PATE4: variants seen among roughly 807,000 people sequenced by gnomAD.
The protein encoded by PATE4 is prostate and testis expressed 4.
Under a neutral mutation model 8.5 loss-of-function variants are expected in PATE4, and 13 were observed. The ratio of observed to expected loss-of-function variants is 1.53; its 90% CI spans 1.00 to 2.43. PATE4 has a LOEUF of 2.43. PATE4 is among the 30% of genes most tolerant of loss of function. The pLI, the probability that PATE4 is intolerant of heterozygous loss-of-function variation, is 0.00. For synonymous variants in PATE4, 47 were observed against 39.3 expected (o/e 1.20, Z -0.73); for missense variants, 127 against 115.5 (o/e 1.10, Z -0.46).
chr11:125,837,953 T>A lies in PATE4; in HGVS notation c.144T>A (p.Asn48Lys). The A allele has an allele frequency of 1.3e-6, 2 of 1,551,532 alleles. No individual in the cohort carries two copies. The highest frequency in any genetic ancestry group is 1.7e-6 in the Non-Finnish European group (2 of 1,146,906). ...AGRGTCIAKE[N>K]ELCSTTAYFR... Reference sequence around the variant, plus strand: ...GAGGCACTTGCATTGCAAAAGAAAATGAGTTATGTTCAACAACAGCCTATT... The same window carrying A: ...GAGGCACTTGCATTGCAAAAGAAAAAGAGTTATGTTCAACAACAGCCTATT... The change falls in exon 2 of 3, where the codon AAT (asparagine) becomes AAA (lysine). Residue 48 changes from asparagine to lysine, a missense_variant. Physicochemically the swap from Asn to Lys is moderately conservative, Grantham distance 94. Transcript: ENST00000457514.
intron 1 of PATE4, among the ~76,000 whole-genome samples, chr11:125,833,919 T>C (rs1253840656): frequency 2.0e-5 from 3 of 152,178 alleles, no homozygotes; most frequent in Non-Finnish European, 4.4e-5. Context: ...ATTTCTATTC[T>C]GAGCTTCAGT....
At chr11:125,835,011 G>C (rs966148530) in intron 1 of PATE4, 1 of 152,076 alleles carries the variant, frequency 6.6e-6, no homozygotes, top group African/African-American at 2.4e-5. Context: ...GATGAAAACT[G>C]GATAACTAGC....
intron 1 of PATE4, chr11:125,835,963 T>A (rs1943916518): frequency 6.6e-6 from 1 of 151,996 alleles, no homozygotes; most frequent in Non-Finnish European, 1.5e-5. Flanking sequence ...TGCATACGTG[T>A]GTGTGGGTGG....
intron 1 of PATE4, among the ~76,000 whole-genome samples, chr11:125,836,207 A>G (rs1943918738): frequency 6.6e-6 from 1 of 150,830 alleles, no homozygotes. Flanking sequence ...AACTAGCTTT[A>G]GAAAGAATAC....
At position 125,839,868 on chromosome 11, in the gene PATE4, A is replaced by G. The variant is rs904425640; in HGVS notation, c.*1441A>G. 2.0e-5 allele frequency: 3 copies of G among 152,162 alleles called. No homozygotes were observed. Among genetic ancestry groups the G allele is most frequent in the Non-Finnish European group, 4.4e-5 (3 of 68,038 alleles). 9.4% of individuals were successfully genotyped at this position (152,162 alleles called of 1,614,324 possible). Reference sequence around the variant, plus strand: ...ATTTGGGTGGGGACACAGCCAAACCATATCAGTCCCCTTCTTAAAACTCTC... The same window carrying G: ...ATTTGGGTGGGGACACAGCCAAACCGTATCAGTCCCCTTCTTAAAACTCTC... On this transcript the variant is annotated 3_prime_UTR_variant, in exon 3 of 3. Coordinates refer to ENST00000457514, the MANE Select transcript of PATE4 (RefSeq NM_001144874.1).
At position 125,837,954 on chromosome 11, in the gene PATE4, G is replaced by C; in HGVS notation, c.145G>C (p.Glu49Gln). Residue 49 changes from glutamate to glutamine, a missense_variant, in exon 2 of 3, where the codon GAG becomes CAG. By Grantham distance (29) the Glu-to-Gln change is conservative. Transcript: ENST00000457514. ...AGGCACTTGCATTGCAAAAGAAAAT[G>C]AGTTATGTTCAACAACAGCCTATTT... is the stretch of plus-strand genomic sequence containing the variant. Reference protein sequence around the residue: ...GRGTCIAKENELCSTTAYFRG... With the variant: ...GRGTCIAKENQLCSTTAYFRG... 1 of 1,551,600 alleles carries C rather than the reference G, an allele frequency of 6.4e-7. No individual in the cohort carries two copies. The highest frequency in any genetic ancestry group is 8.7e-7 in the Non-Finnish European group (1 of 1,146,928).
rs1309512945 is a variant in PATE4 at position 125,837,988 on chromosome 11, A to G, written c.175+4A>G. On this transcript the variant is annotated splice_donor_region_variant and intron_variant, in intron 2 of 2. Transcript: ENST00000457514. Reference sequence around the variant, plus strand: ...TCAACAACAGCCTATTTCAGGGGTAAGTGGGGCTCATGAAGACTCCAAAAT... The same window carrying G: ...TCAACAACAGCCTATTTCAGGGGTAGGTGGGGCTCATGAAGACTCCAAAAT... The G allele has an allele frequency of 6.5e-7, 1 of 1,548,696 alleles. No homozygotes were observed. Among genetic ancestry groups the G allele is most frequent in the Admixed American group, 2.0e-5 (1 of 50,984 alleles).
chr11:125,839,291 G>A lies in PATE4; in HGVS notation c.*864G>A, dbSNP rs1943942997. ...GGTGACAACAGTATCCACCGCTCAG[G>A]GCTTACAGTGACCTGCAGGAAGAGA... is the stretch of plus-strand genomic sequence containing the variant. On this transcript the variant is annotated 3_prime_UTR_variant, in exon 3 of 3. Transcript: ENST00000457514. 1 of 152,146 alleles carries A rather than the reference G, an allele frequency of 6.6e-6. No homozygotes were observed. The highest frequency in any genetic ancestry group is 2.1e-4 in the South Asian group (1 of 4,828). The allele number at this position is 152,146 out of a possible 1,614,324, so 9.4% of individuals were successfully genotyped here. A position where few individuals can be genotyped will look rare whatever the true frequency, so the allele number is the denominator to read the frequency against.
At chr11:125,835,905 C>G in intron 1 of PATE4, 1 of 152,228 alleles carries the variant, frequency 6.6e-6, no homozygotes, top group Non-Finnish European at 1.5e-5. Flanking sequence ...TAAAGCCACC[C>G]CCTCCTGCCC....
chr11:125,839,758 C>A lies in PATE4; in HGVS notation c.*1331C>A, dbSNP rs549981733. The A allele has an allele frequency of 6.6e-6, 1 of 152,274 alleles. No homozygotes were observed. The highest frequency in any genetic ancestry group is 2.4e-5 in the African/African-American group (1 of 41,554). The allele number at this position is 152,274 out of a possible 1,614,324, so 9.4% of individuals were successfully genotyped here. On this transcript the variant is annotated 3_prime_UTR_variant, in exon 3 of 3. Transcript: ENST00000457514. ...ATCTTGTGAGACTTACTCACTATCA[C>A]GAGAATAGCACAGGAAAAACCTGCC... is the stretch of plus-strand genomic sequence containing the variant.
Position 125,838,523 on chromosome 11 carries a change from T to C in PATE4, c.*96T>C, listed in dbSNP as rs148234461. On this transcript the variant is annotated 3_prime_UTR_variant, in exon 3 of 3. Coordinates refer to ENST00000457514, the MANE Select transcript of PATE4 (RefSeq NM_001144874.1). The stretch of plus-strand genomic sequence containing the variant: ...TTATTTCCCACACCAAATTCCACAC[T>C]GGCCTAAGATCCCAGAGAGAGCTGC... 315 of 1,399,156 alleles carry C rather than the reference T, an allele frequency of 2.3e-4. 5 individuals are homozygous for C. The East Asian group carries it at 8.0e-3, about 35-fold the overall frequency. The allele number at this position is 1,399,156 out of a possible 1,614,324, so 86.7% of individuals were successfully genotyped here.
At chr11:125,835,157 AAG>A (rs1389136982) in intron 1 of PATE4, 1 of 152,196 alleles carries the variant, frequency 6.6e-6, no homozygotes, top group Non-Finnish European at 1.5e-5. Flanking sequence ...TTAAAGATCA[AAG>A]AGACAATTAT....
At chr11:125,835,139 TACTC>T (rs1943910814) in intron 1 of PATE4, 1 of 152,312 alleles carries the variant, frequency 6.6e-6, no homozygotes, top group South Asian at 2.1e-4. Flanking sequence ...AAATTGGAAA[TACTC>T]AGGTTAAAGA....
rs1403724698 is a variant in PATE4 at position 125,836,237 on chromosome 11, A to G, written c.59-1631A>G. 2.0e-5 allele frequency among the ~76,000 whole-genome samples: 3 copies of G among 152,000 alleles called. No individual in the cohort carries two copies. In the East Asian group the frequency reaches 5.8e-4, roughly 29 times the overall value. ...GAATACTCAGATGGGTAGTGGGCAGAAGAATAAAATTATTTTCTGTTTGCC... is the reference window on the plus strand; with the variant it reads ...GAATACTCAGATGGGTAGTGGGCAGGAGAATAAAATTATTTTCTGTTTGCC... On this transcript the variant is annotated intron_variant, in intron 1 of 2. Transcript: ENST00000457514.
rs1250239728 is a variant in PATE4, at chr11:125,833,437, G to T, written c.58+20G>T. 2 of 1,547,082 alleles carry T rather than the reference G, an allele frequency of 1.3e-6. No individual in the cohort carries two copies. On this transcript the variant is annotated intron_variant, in intron 1 of 2. Transcript: ENST00000457514. Reference sequence around the variant, plus strand: ...AAGAGGGTAAGTTTGAACAATGGGGGTGGAGGGAGGCAACTTAGGGGTGCT... The same window carrying T: ...AAGAGGGTAAGTTTGAACAATGGGGTTGGAGGGAGGCAACTTAGGGGTGCT...
intron 1 of PATE4, among the ~76,000 whole-genome samples, chr11:125,837,211 C>T (rs1039279338): frequency 3.3e-5 from 5 of 152,158 alleles, no homozygotes; most frequent in Admixed American, 1.3e-4. Flanking sequence ...GCTCCAATGT[C>T]GTCTCCCTAC....
At chr11:125,834,626 A>G (rs888792236) in intron 1 of PATE4, among the ~76,000 whole-genome samples, 1 of 152,198 alleles carries the variant, frequency 6.6e-6, no homozygotes, top group African/African-American at 2.4e-5. Flanking sequence ...ATTCAGCAAT[A>G]CCTATCAAAA....
At chr11:125,836,815 A>G (rs947299048) in intron 1 of PATE4, among the ~76,000 whole-genome samples, 1 of 152,230 alleles carries the variant, frequency 6.6e-6, no homozygotes, top group Admixed American at 6.5e-5. Flanking sequence ...AATGTGGAAC[A>G]TGCTCAAAAC....
chr11:125,838,107 G>A lies in PATE4; in HGVS notation c.175+123G>A. 9.3e-6 allele frequency: 9 copies of A among 972,078 alleles called. No individual in the cohort carries two copies. The South Asian group carries it at 1.5e-4, about 16-fold the overall frequency. The allele number at this position is 972,078 out of a possible 1,614,324, so 60.2% of individuals were successfully genotyped here. On this transcript the variant is annotated intron_variant, in intron 2 of 2. Transcript: ENST00000457514. ...GGAGGTAAGGCAAGGAATAAAAGAG[G>A]GGGCAAGAAGGGATAATTTCCAACT...
Sources: allele counts gnomAD v4.1 joint callset (sites outside exome capture counted in the v4.1 genomes callset), GRCh38; gene constraint gnomAD v4.1.1; transcripts MANE v1.5; gene names NCBI Gene and HGNC (gene_info 2026-07-23, HGNC 2026-07-21).